SEC14L1: variants seen among roughly 807,000 people sequenced by gnomAD.
The protein encoded by SEC14L1 is SEC14 like lipid binding 1.
Under a neutral mutation model 85.3 loss-of-function variants are expected in SEC14L1, and 48 were observed. The ratio of observed to expected loss-of-function variants is 0.56; its 90% CI spans 0.45 to 0.72. The LOEUF (loss-of-function observed/expected upper bound fraction) is 0.72. SEC14L1 is among the 30% of genes least tolerant of loss of function. The pLI, the probability that SEC14L1 is intolerant of heterozygous loss-of-function variation, is 0.00. For missense variants in SEC14L1, 682 were observed against 921.4 expected, an observed-to-expected ratio of 0.74 and a Z score of 3.36; for synonymous variants, 391 against 355.5, an observed-to-expected ratio of 1.10 and a Z score of -1.12.
chr17:77,156,150 G>A (rs1973807652), intron 3 of SEC14L1, among the ~76,000 whole-genome samples: 2 of 152,124 alleles, frequency 1.3e-5, no homozygotes, highest in South Asian at 4.1e-4. Context: ...GCTCCTGGTG[G>A]AGGTTCCTCT....
chr17:77,088,829 G>T (rs1041158948), exon 1 of SEC14L1: 1 of 153,054 alleles, frequency 6.5e-6, no homozygotes, highest in Non-Finnish European at 1.5e-5. Context: ...AATTGGGCTC[G>T]CCCCGGGACG....
At chr17:77,212,249 C>G (rs746806808) in intron 15 of SEC14L1, 48 bp downstream of exon 15, 3 of 1,599,944 alleles carry the variant, frequency 1.9e-6, no homozygotes, top group Admixed American at 3.4e-5. Flanking sequence ...TCCACACGGC[C>G]AGGTGATTCT....
intron 3 of SEC14L1, among the ~76,000 whole-genome samples, chr17:77,146,733 C>A (rs191548936): frequency 6.6e-6 from 1 of 151,874 alleles, no homozygotes; most frequent in Non-Finnish European, 1.5e-5. Context: ...CGCACACACA[C>A]GCACGTATAT....
chr17:77,122,886 G>A (rs910945195), intron 3 of SEC14L1, among the ~76,000 whole-genome samples: 4 of 152,164 alleles, frequency 2.6e-5, no homozygotes, highest in Non-Finnish European at 4.4e-5. Context: ...CATGGGTACC[G>A]CATGTCTGCA....
intron 3 of SEC14L1, among the ~76,000 whole-genome samples, chr17:77,183,195 C>G (rs1032755571): frequency 6.6e-6 from 1 of 152,228 alleles, no homozygotes; most frequent in Admixed American, 6.5e-5. Context: ...TGGACTTTCT[C>G]CCCTAAAGCT....
chr17:77,145,844 C>G (rs1973276574), intron 3 of SEC14L1, among the ~76,000 whole-genome samples: 1 of 152,164 alleles, frequency 6.6e-6, no homozygotes, highest in Non-Finnish European at 1.5e-5. Context: ...CTGTGCCTGG[C>G]TCCATGTGCT....
At chr17:77,091,452 G>A (rs1028415112) in intron 2 of SEC14L1, among the ~76,000 whole-genome samples, 3 of 152,220 alleles carry the variant, frequency 2.0e-5, no homozygotes, top group African/African-American at 7.2e-5. Context: ...AGCACTATGT[G>A]CAGAACATAG....
intron 3 of SEC14L1, among the ~76,000 whole-genome samples, chr17:77,122,496 C>A (rs1164335823): frequency 6.6e-6 from 1 of 152,098 alleles, no homozygotes; most frequent in Non-Finnish European, 1.5e-5. Flanking sequence ...AAAACAGGAT[C>A]TCACTCTGTT....
At chr17:77,141,846 C>G (rs544836995) in intron 1 of SEC14L1, 81 of 152,326 alleles carry the variant, frequency 5.3e-4, no homozygotes, top group African/African-American at 1.9e-3. Context: ...GTCCTCATAT[C>G]TGGGAGAGTA....
chr17:77,099,184 A>G (rs954755511), intron 3 of SEC14L1: 3 of 152,214 alleles, frequency 2.0e-5, no homozygotes, highest in African/African-American at 7.2e-5. Context: ...CCGAGCAGCA[A>G]AACATTTAGA....
At chr17:77,109,437 G>A (rs1971998974) in intron 3 of SEC14L1, among the ~76,000 whole-genome samples, 1 of 152,212 alleles carries the variant, frequency 6.6e-6, no homozygotes, top group South Asian at 2.1e-4. Flanking sequence ...AAAACAGAGG[G>A]AACTTCATTA....
At chr17:77,155,309 GAAAC>G (rs574883406) in intron 3 of SEC14L1, among the ~76,000 whole-genome samples, 1 of 152,120 alleles carries the variant, frequency 6.6e-6, no homozygotes, top group African/African-American at 2.4e-5. Context: ...CACCCCAACA[GAAAC>G]AAACACACAC....
upstream of SEC14L1, among the ~76,000 whole-genome samples, chr17:77,136,567 C>T (rs1346761650): frequency 6.6e-6 from 1 of 152,224 alleles, no homozygotes; most frequent in African/African-American, 2.4e-5. Context: ...CATTTCCCAG[C>T]CTTCTTTGCT....
upstream of SEC14L1, among the ~76,000 whole-genome samples, chr17:77,136,816 G>A (rs1183252309): frequency 3.9e-5 from 6 of 152,072 alleles, no homozygotes; most frequent in South Asian, 2.1e-4. Context: ...GGCCATTCTC[G>A]AATTGCTATA....
In SEC14L1 at chr17:77,215,001, C is replaced by G. The variant is rs375154061; in HGVS notation, c.*978C>G. The G allele has an allele frequency of 1.2e-5, 12 of 985,366 alleles. No homozygotes were observed. In the East Asian group the frequency reaches 1.0e-3, roughly 84 times the overall value. 61.0% of individuals were successfully genotyped at this position (985,366 alleles called of 1,614,324 possible). ...TAAGCAGCAGCTCTCGCATCCACTT[C>G]AGGGTGGCGTGTGGCATGTAGGAGT... On this transcript the variant is annotated 3_prime_UTR_variant, in exon 17 of 17. Coordinates refer to ENST00000436233, the MANE Select transcript of SEC14L1 (RefSeq NM_001143998.2).
At chr17:77,117,737 G>A (rs368385355) in intron 3 of SEC14L1, among the ~76,000 whole-genome samples, 3 of 152,188 alleles carry the variant, frequency 2.0e-5, no homozygotes, top group South Asian at 4.1e-4. Context: ...AAGGGGCTTC[G>A]TTTGGGGACC....
At chr17:77,152,089 C>T (rs1973585797) in intron 3 of SEC14L1, among the ~76,000 whole-genome samples, 1 of 152,220 alleles carries the variant, frequency 6.6e-6, no homozygotes, top group Non-Finnish European at 1.5e-5. Context: ...AGCCCTGCCT[C>T]AGCCTGCTGA....
intron 6 of SEC14L1, among the ~76,000 whole-genome samples, chr17:77,194,429 C>G (rs1160382614): frequency 6.6e-6 from 1 of 151,942 alleles, no homozygotes; most frequent in Non-Finnish European, 1.5e-5. Flanking sequence ...GTGGCATATA[C>G]CTGTAGTCCC....
rs1977021241 is a variant in SEC14L1 at position 77,215,851 on chromosome 17, T to TTCG, written c.*1829_*1830insCGT. The TTCG allele has an allele frequency of 2.2e-6, 2 of 920,016 alleles. No individual in the cohort carries two copies. The highest frequency in any genetic ancestry group is 1.3e-6 in the Non-Finnish European group (1 of 791,674). The allele number at this position is 920,016 out of a possible 1,614,324, so 57.0% of individuals were successfully genotyped here. ...TAGTAGGTAGGGCTAGTAGGTAGGG[T>TTCG]TAGTAGGTAGGGTTCGTAGGTAGGG... On this transcript the variant is annotated 3_prime_UTR_variant, in exon 17 of 17. Transcript: ENST00000436233.
Sources: allele counts gnomAD v4.1 joint callset (sites outside exome capture counted in the v4.1 genomes callset), GRCh38; gene constraint gnomAD v4.1.1; transcripts MANE v1.5; gene names NCBI Gene and HGNC (gene_info 2026-07-23, HGNC 2026-07-21).